LDAH: variants seen among roughly 807,000 people sequenced by gnomAD.
LDAH encodes lipid droplet associated hydrolase.
Under a neutral mutation model 29.6 loss-of-function variants are expected in LDAH, and 26 were observed. The observed-to-expected ratio is 0.88, with a 90% CI of 0.64 to 1.22. The LOEUF is 1.22. Among genes scored for constraint, LDAH ranks in the 50% most tolerant of loss-of-function variants. The pLI, the probability that LDAH is intolerant of heterozygous loss-of-function variation, is 0.00. For synonymous variants in LDAH, 117 were observed against 133.0 expected (o/e 0.88, Z 0.83); for missense variants, 344 against 387.3 (o/e 0.89, Z 0.94).
At chr2:20,783,405 T>C (rs1423036361) in intron 3 of LDAH, among the ~76,000 whole-genome samples, 3 of 152,250 alleles carry the variant, frequency 2.0e-5, no homozygotes, top group African/African-American at 7.2e-5. Flanking sequence ...AGAAAAAGGA[T>C]TGCTGATGTT....
chr2:20,694,186 T>C (rs577383790), intron 6 of LDAH, among the ~76,000 whole-genome samples: 23 of 152,346 alleles, frequency 1.5e-4, no homozygotes, highest in African/African-American at 5.5e-4. Context: ...ATCTCCTGTT[T>C]TCATCCCCTT....
intron 5 of LDAH, among the ~76,000 whole-genome samples, chr2:20,702,178 A>C (rs954142249): frequency 6.6e-6 from 1 of 152,170 alleles, no homozygotes; most frequent in Non-Finnish European, 1.5e-5. Flanking sequence ...AAGCAAAGTG[A>C]TGCTCACTTT....
Position 20,684,827 on chromosome 2 carries a change from C to T in LDAH, c.*2076G>A. 6.5e-7 allele frequency: 1 copy of T among 1,530,010 alleles called. No homozygotes were observed. Among genetic ancestry groups the T allele is most frequent in the Non-Finnish European group, 8.8e-7 (1 of 1,136,550 alleles). The allele number at this position is 1,530,010 out of a possible 1,614,324, so 94.8% of individuals were successfully genotyped here. ...TGACTGGGACATACAGGCAGAGCTG[C>T]TTCTGGAAAATGGATTTCTTCCACT... On this transcript the variant is annotated 3_prime_UTR_variant, in exon 7 of 7. Coordinates refer to ENST00000237822, the MANE Select transcript of LDAH (RefSeq NM_021925.4).
chr2:20,743,322 T>A (rs1168179968), intron 4 of LDAH, among the ~76,000 whole-genome samples: 2 of 143,186 alleles, frequency 1.4e-5, no homozygotes. Context: ...TTTTTTTTTT[T>A]TTTTTATTAT....
At chr2:20,697,277 C>T (rs553201084) in intron 6 of LDAH, among the ~76,000 whole-genome samples, 11 of 152,268 alleles carry the variant, frequency 7.2e-5, no homozygotes, top group African/African-American at 2.2e-4. Context: ...TCTCCATTCC[C>T]CAATATCCTG....
At chr2:20,702,560 C>A (rs1395893669) in intron 5 of LDAH, among the ~76,000 whole-genome samples, 1 of 152,148 alleles carries the variant, frequency 6.6e-6, no homozygotes, top group Admixed American at 6.5e-5. Context: ...GTTATTTCTG[C>A]CTCTTATCTT....
intron 5 of LDAH, among the ~76,000 whole-genome samples, chr2:20,708,410 C>A (rs1664465076): frequency 6.6e-6 from 1 of 152,192 alleles, no homozygotes; most frequent in East Asian, 1.9e-4. Flanking sequence ...TCCCATAACA[C>A]AGCTCAATAA....
intron 3 of LDAH, among the ~76,000 whole-genome samples, chr2:20,785,879 C>T (rs139840530): frequency 4.2e-4 from 64 of 152,236 alleles, no homozygotes; most frequent in Non-Finnish European, 7.6e-4. Flanking sequence ...CTTAAGAGTT[C>T]CCTACTGTCT....
chr2:20,690,755 G>C (rs1662949715), intron 6 of LDAH, among the ~76,000 whole-genome samples: 1 of 152,114 alleles, frequency 6.6e-6, no homozygotes, highest in Non-Finnish European at 1.5e-5. Context: ...CAAAAACATA[G>C]TGGTTAACAG....
chr2:20,769,142 C>G (rs1023512549), intron 4 of LDAH, among the ~76,000 whole-genome samples: 2 of 152,148 alleles, frequency 1.3e-5, no homozygotes, highest in African/African-American at 2.4e-5. Flanking sequence ...TCTCTTCATG[C>G]TGTCTCCCTT....
chr2:20,726,757 C>T (rs540049757), intron 5 of LDAH, among the ~76,000 whole-genome samples: 4 of 152,206 alleles, frequency 2.6e-5, no homozygotes, highest in African/African-American at 7.2e-5. Context: ...GTGGTCATTA[C>T]GATAATCAAT....
rs985274461 is a variant in LDAH at position 20,801,592 on chromosome 2, G to A, written c.-2-127C>T. 4.3e-5 allele frequency: 32 copies of A among 740,626 alleles called. 1 individual carries two copies. Among genetic ancestry groups the A allele is most frequent in the Middle Eastern group, 3.0e-4 (1 of 3,306 alleles). The allele number at this position is 740,626 out of a possible 1,614,324, so 45.9% of individuals were successfully genotyped here. On this transcript the variant is annotated intron_variant, in intron 1 of 6. Transcript: ENST00000237822. The stretch of plus-strand genomic sequence containing the variant: ...AGAAGGAAATGCCACAAGGACATCT[G>A]GGAAACTATAAGACTATTCAGTGAT...
Position 20,814,417 on chromosome 2 carries a change from A to G in LDAH, c.-3+8620T>C, listed in dbSNP as rs566979948. Among the ~76,000 whole-genome samples, 24 of 152,268 alleles carry G rather than the reference A, an allele frequency of 1.6e-4. 1 individual carries two copies. The South Asian group carries it at 4.4e-3, about 28-fold the overall frequency. On this transcript the variant is annotated intron_variant, in intron 1 of 6. Coordinates refer to ENST00000237822, the MANE Select transcript of LDAH (RefSeq NM_021925.4). ...TATGTAAAATCTTCAGTATTCTTCAAGGGAAATGAAGGAAAGGAGAAAGAA... is the reference window on the plus strand; with the variant it reads ...TATGTAAAATCTTCAGTATTCTTCAGGGGAAATGAAGGAAAGGAGAAAGAA...
intron 3 of LDAH, among the ~76,000 whole-genome samples, chr2:20,789,967 T>C (rs1394488625): frequency 6.6e-6 from 1 of 152,180 alleles, no homozygotes; most frequent in African/African-American, 2.4e-5. Context: ...CCATTCCTCC[T>C]AGAACAACCC....
intron 5 of LDAH, among the ~76,000 whole-genome samples, chr2:20,717,855 C>T (rs1297284582): frequency 6.6e-6 from 1 of 152,086 alleles, no homozygotes; most frequent in African/African-American, 2.4e-5. Context: ...GGTGCAATCA[C>T]AGATCACTGC....
chr2:20,811,630 G>A (rs1475886401), intron 1 of LDAH, among the ~76,000 whole-genome samples: 1 of 151,614 alleles, frequency 6.6e-6, no homozygotes, highest in Non-Finnish European at 1.5e-5. Context: ...GACGACAGGC[G>A]CCTGCCACCA....
At chr2:20,703,862 G>T (rs551545361) in intron 5 of LDAH, among the ~76,000 whole-genome samples, 12 of 152,260 alleles carry the variant, frequency 7.9e-5, no homozygotes, top group African/African-American at 2.9e-4. Flanking sequence ...CTTACTTTAT[G>T]CCAGGCCTTA....
intron 5 of LDAH, among the ~76,000 whole-genome samples, chr2:20,717,883 C>T (rs893748676): frequency 5.3e-5 from 8 of 152,160 alleles, no homozygotes; most frequent in Non-Finnish European, 1.2e-4. Flanking sequence ...ACCTGCTGGG[C>T]TCTAGAGATC....
At chr2:20,733,097 T>C (rs1044119656) in intron 5 of LDAH, among the ~76,000 whole-genome samples, 1 of 152,140 alleles carries the variant, frequency 6.6e-6, no homozygotes, top group African/African-American at 2.4e-5. Context: ...CTTAGGTTAC[T>C]AGGACTTTTC....
Sources: gnomAD v4.1 joint callset for allele counts (sites outside exome capture counted in the v4.1 genomes callset) on GRCh38, gnomAD v4.1.1 for gene constraint, MANE v1.5 for transcripts, NCBI Gene and HGNC (gene_info 2026-07-23, HGNC 2026-07-21) for gene names.